CDH18: variants seen among roughly 807,000 people sequenced by gnomAD.
CDH18 encodes cadherin-18.
Under a neutral mutation model 67.9 loss-of-function variants are expected in CDH18, and 31 were observed. The ratio of observed to expected loss-of-function variants is 0.46; its 90% CI spans 0.34 to 0.62. The LOEUF (loss-of-function observed/expected upper bound fraction) is 0.62. Ranked by LOEUF, CDH18 falls within the 20% of genes least tolerant of loss-of-function variation. CDH18 has a pLI of 0.01. For synonymous variants in CDH18, 362 were observed against 347.2 expected, an observed-to-expected ratio of 1.04 and a Z score of -0.48; for missense variants, 890 against 975.5, an observed-to-expected ratio of 0.91 and a Z score of 1.17.
intron 1 of CDH18, among the ~76,000 whole-genome samples, chr5:20,481,661 T>A (rs568157129): frequency 6.6e-6 from 1 of 152,146 alleles, no homozygotes; most frequent in East Asian, 1.9e-4. Context: ...CTTTGGAAGC[T>A]AAACAAACAT....
intron 7 of CDH18, among the ~76,000 whole-genome samples, chr5:19,589,948 AT>A (rs1744821682): frequency 6.6e-6 from 1 of 152,012 alleles, no homozygotes; most frequent in African/African-American, 2.4e-5. Context: ...AATATTCTAG[AT>A]TTTTCCCCTG....
At chr5:20,306,242 C>T (rs1443346503) in intron 1 of CDH18, among the ~76,000 whole-genome samples, 2 of 152,122 alleles carry the variant, frequency 1.3e-5, no homozygotes, top group Non-Finnish European at 2.9e-5. Context: ...GACTTTACAG[C>T]ATTTTGATGT....
chr5:20,016,075 A>G (rs1737849984), intron 2 of CDH18, among the ~76,000 whole-genome samples: 1 of 152,164 alleles, frequency 6.6e-6, no homozygotes, highest in Non-Finnish European at 1.5e-5. Context: ...ATACCCATCA[A>G]TAGCAGACTG....
chr5:19,764,175 C>CAA (rs747971284), intron 3 of CDH18, among the ~76,000 whole-genome samples: 38 of 79,530 alleles, frequency 4.8e-4, no homozygotes, highest in Middle Eastern at 7.9e-3. Flanking sequence ...GACTCTGTCT[C>CAA]AAAAAAAAAA....
chr5:20,040,539 A>G (rs1362691957), intron 2 of CDH18, among the ~76,000 whole-genome samples: 1 of 152,148 alleles, frequency 6.6e-6, no homozygotes, highest in East Asian at 1.9e-4. Flanking sequence ...TTTTAAAAGA[A>G]AGAAAAGCTT....
In CDH18 at chr5:19,472,129, A is replaced by G. The variant is rs913058707; in HGVS notation, c.*1097T>C. Among the ~76,000 whole-genome samples the G allele has an allele frequency of 1.3e-5, 2 of 152,154 alleles. No individual in the cohort carries two copies. The highest frequency in any genetic ancestry group is 2.4e-5 in the African/African-American group (1 of 41,446). On this transcript the variant is annotated 3_prime_UTR_variant, in exon 13 of 13. Transcript: ENST00000382275. ...TTATCAGTGAGATGGAAAAAATCTG[A>G]AACTGTGTAAGGAATAAATGTAAGT...
At chr5:19,666,511 G>A (rs4524513) in intron 5 of CDH18, among the ~76,000 whole-genome samples, 1 of 151,810 alleles carries the variant, frequency 6.6e-6, no homozygotes, top group African/African-American at 2.4e-5. Context: ...ATTACACCAC[G>A]AGCCAATGAA....
intron 9 of CDH18, among the ~76,000 whole-genome samples, chr5:19,543,455 A>G (rs1417883631): frequency 6.6e-6 from 1 of 152,170 alleles, no homozygotes; most frequent in Non-Finnish European, 1.5e-5. Context: ...GAGCAGAGGT[A>G]TTATATTGAC....
At chr5:20,340,738 GGAGTGA>G (rs1740185408) in intron 1 of CDH18, among the ~76,000 whole-genome samples, 4 of 152,158 alleles carry the variant, frequency 2.6e-5, no homozygotes, top group African/African-American at 4.8e-5. Context: ...TCTGGACACT[GGAGTGA>G]GCCTTTCTGA....
rs5866426 is a variant in CDH18 at position 20,453,573 on chromosome 5, A to ATG, written c.-580+121887_-580+121888dup. Reference sequence around the variant, plus strand: ...TATGTATGTGTGTGTGTATATATATATGTGTGTGTGTGTGTGTGTATATGT... The same window carrying ATG: ...TATGTATGTGTGTGTGTATATATATATGTGTGTGTGTGTGTGTGTGTATATGT... On this transcript the variant is annotated intron_variant, in intron 1 of 14. Coordinates refer to the CDH18 transcript ENST00000507958. Among the ~76,000 whole-genome samples, 94 of 150,748 alleles carry ATG rather than the reference A, an allele frequency of 6.2e-4. 1 individual carries two copies. Among genetic ancestry groups the ATG allele is most frequent in the East Asian group, 1.6e-3 (8 of 5,108 alleles).
At chr5:20,016,448 C>A (rs888502448) in intron 2 of CDH18, among the ~76,000 whole-genome samples, 1 of 151,816 alleles carries the variant, frequency 6.6e-6, no homozygotes, top group African/African-American at 2.4e-5. Flanking sequence ...CACATGTACC[C>A]CTGAACCAAA....
At chr5:19,477,412 C>A (rs1315188106) in intron 12 of CDH18, among the ~76,000 whole-genome samples, 1 of 151,426 alleles carries the variant, frequency 6.6e-6, no homozygotes, top group East Asian at 1.9e-4. Flanking sequence ...AAAAAAAAAT[C>A]TCTGTGAAAA....
At chr5:20,415,437 T>C (rs1189671498) in intron 1 of CDH18, among the ~76,000 whole-genome samples, 1 of 152,072 alleles carries the variant, frequency 6.6e-6, no homozygotes. Flanking sequence ...TATCATTCAA[T>C]GTAGTACATA....
chr5:19,570,764 A>T (rs1253814403), intron 8 of CDH18, among the ~76,000 whole-genome samples: 1 of 152,206 alleles, frequency 6.6e-6, no homozygotes, highest in Non-Finnish European at 1.5e-5. Context: ...TTATCTCTCC[A>T]GCATGATGTA....
intron 5 of CDH18, among the ~76,000 whole-genome samples, chr5:19,655,986 C>CTTTTTTT (rs963093504): frequency 2.9e-5 from 3 of 103,656 alleles, no homozygotes; most frequent in Non-Finnish European, 3.9e-5. Context: ...CTACTCACTT[C>CTTTTTTT]TTTTTTTTTT....
At position 20,109,399 on chromosome 5, in the gene CDH18, C is replaced by G. The variant is rs560567031; in HGVS notation, c.-517-117385G>C. Reference sequence around the variant, plus strand: ...ATCTCAGCTCTAGCAGGCACACTGACGAGAACAGCAAAGACTGAAGGATAA... The same window carrying G: ...ATCTCAGCTCTAGCAGGCACACTGAGGAGAACAGCAAAGACTGAAGGATAA... On this transcript the variant is annotated intron_variant, in intron 2 of 14. Coordinates refer to the CDH18 transcript ENST00000507958. 7.3e-4 allele frequency among the ~76,000 whole-genome samples: 111 copies of G among 152,230 alleles called. 1 individual carries two copies. Among genetic ancestry groups the G allele is most frequent in the Admixed American group, 1.8e-3 (28 of 15,298 alleles).
chr5:19,645,106 T>A (rs1019252267), intron 5 of CDH18, among the ~76,000 whole-genome samples: 1 of 152,332 alleles, frequency 6.6e-6, no homozygotes, highest in Middle Eastern at 3.4e-3. Flanking sequence ...GAATAGAGGT[T>A]GCATGTGGTA....
At chr5:19,748,112 C>CAAAAAAAAAAAAAAAAAAAA (rs766955714) in intron 3 of CDH18, among the ~76,000 whole-genome samples, 153 of 14,844 alleles carry the variant, frequency 0.01, 51 homozygotes, top group South Asian at 0.042. Flanking sequence ...GACTCCATCT[C>CAAAAAAAAAAAAAAAAAAAA]AAAAAAAAAA....
chr5:19,798,664 T>A (rs1777106410), intron 3 of CDH18, among the ~76,000 whole-genome samples: 1 of 152,088 alleles, frequency 6.6e-6, no homozygotes. Flanking sequence ...AATTTGAAAT[T>A]ATATTACATG....
Sources: gnomAD v4.1 joint callset for allele counts (sites outside exome capture counted in the v4.1 genomes callset) on GRCh38, gnomAD v4.1.1 for gene constraint, MANE v1.5 for transcripts, NCBI Gene and HGNC (gene_info 2026-07-23, HGNC 2026-07-21) for gene names.